Variants in CDH12 observed in about 807,000 individuals in gnomAD.
CDH12 encodes cadherin 12, also known as cadherin-12.
Under a neutral mutation model 74.1 loss-of-function variants are expected in CDH12, and 41 were observed. The ratio of observed to expected loss-of-function variants is 0.55; its 90% CI spans 0.43 to 0.72. CDH12 has a LOEUF of 0.72. Ranked by LOEUF, CDH12 falls within the 30% of genes least tolerant of loss-of-function variation. CDH12 has a pLI of 0.00. For missense variants in CDH12, 945 were observed against 977.2 expected (o/e 0.97, Z 0.44); for synonymous variants, 399 against 355.0 (o/e 1.12, Z -1.39).
intron 9 of CDH12, among the ~76,000 whole-genome samples, chr5:21,806,386 C>T (rs1249507159): frequency 6.6e-6 from 1 of 152,060 alleles, no homozygotes; most frequent in Non-Finnish European, 1.5e-5. Flanking sequence ...AAATAAATAA[C>T]TATCATCTAT....
intron 13 of CDH12, among the ~76,000 whole-genome samples, chr5:21,757,250 A>G (rs1248397887): frequency 1.3e-5 from 2 of 152,088 alleles, no homozygotes; most frequent in African/African-American, 4.8e-5. Context: ...ATCTCGGCTC[A>G]CTGCAACCTC....
At chr5:22,740,486 C>T (rs1027920762) in intron 1 of CDH12, among the ~76,000 whole-genome samples, 20 of 151,536 alleles carry the variant, frequency 1.3e-4, no homozygotes, top group Admixed American at 1.2e-3. Flanking sequence ...GCTTATGATT[C>T]CCACTATATC....
At chr5:22,610,563 A>G (rs930467333) in intron 1 of CDH12, among the ~76,000 whole-genome samples, 1 of 152,080 alleles carries the variant, frequency 6.6e-6, no homozygotes, top group Admixed American at 6.6e-5. Context: ...AATCTGATAC[A>G]TGTTGATTCA....
chr5:21,904,902 T>C (rs151257546), intron 6 of CDH12, among the ~76,000 whole-genome samples: 338 of 152,120 alleles, frequency 2.2e-3, no homozygotes, highest in Non-Finnish European at 3.5e-3. Flanking sequence ...CAGGGTGAAA[T>C]TGCAGATGTA....
intron 1 of CDH12, among the ~76,000 whole-genome samples, chr5:22,543,490 T>G (rs1388930549): frequency 6.6e-6 from 1 of 152,146 alleles, no homozygotes; most frequent in Non-Finnish European, 1.5e-5. Flanking sequence ...ATAATTAAAC[T>G]ATGATCTCTT....
chr5:21,849,241 G>A (rs776142187), intron 7 of CDH12, among the ~76,000 whole-genome samples: 1 of 151,644 alleles, frequency 6.6e-6, no homozygotes, highest in Non-Finnish European at 1.5e-5. Context: ...TCTACAACTT[G>A]CTAAAGGCAT....
intron 11 of CDH12, among the ~76,000 whole-genome samples, chr5:21,776,638 C>T (rs1211800251): frequency 6.6e-6 from 1 of 152,096 alleles, no homozygotes; most frequent in South Asian, 2.1e-4. Flanking sequence ...CATCCTCCAC[C>T]CCATTTATAA....
chr5:22,651,868 A>G (rs1739761698), intron 1 of CDH12, among the ~76,000 whole-genome samples: 2 of 152,132 alleles, frequency 1.3e-5, no homozygotes, highest in African/African-American at 2.4e-5. Context: ...AAAAAAGATT[A>G]TAAAGGAGCA....
intron 1 of CDH12, among the ~76,000 whole-genome samples, chr5:22,827,253 A>G (rs1736387263): frequency 6.6e-6 from 1 of 152,222 alleles, no homozygotes; most frequent in African/African-American, 2.4e-5. Flanking sequence ...CTGCGAGTAC[A>G]CAGAATTCAA....
At chr5:21,837,940 A>C (rs1749633046) in intron 8 of CDH12, among the ~76,000 whole-genome samples, 1 of 152,096 alleles carries the variant, frequency 6.6e-6, no homozygotes, top group African/African-American at 2.4e-5. Context: ...TCCTTGATAG[A>C]TTTCTTCTGT....
chr5:21,917,143 C>T (rs1754134700), intron 6 of CDH12, among the ~76,000 whole-genome samples: 1 of 152,126 alleles, frequency 6.6e-6, no homozygotes, highest in Non-Finnish European at 1.5e-5. Context: ...CTTCAAGCTC[C>T]TCAATATACC....
intron 5 of CDH12, among the ~76,000 whole-genome samples, chr5:21,980,822 A>G (rs1757274148): frequency 6.6e-6 from 1 of 152,010 alleles, no homozygotes; most frequent in South Asian, 2.1e-4. Flanking sequence ...TACACTGTAC[A>G]CTGTTTTGTA....
intron 10 of CDH12, among the ~76,000 whole-genome samples, chr5:21,786,351 A>G (rs567803455): frequency 6.6e-6 from 1 of 152,172 alleles, no homozygotes; most frequent in East Asian, 1.9e-4. Context: ...ATGGGGTTTC[A>G]CCATGTTGGT....
intron 3 of CDH12, among the ~76,000 whole-genome samples, chr5:22,321,547 T>C (rs1218952518): frequency 7.0e-6 from 1 of 143,406 alleles, no homozygotes; most frequent in Non-Finnish European, 1.5e-5. Context: ...TAATGCTAGA[T>C]GACGAGTTAG....
At chr5:22,307,644 T>C (rs1391168674) in intron 3 of CDH12, among the ~76,000 whole-genome samples, 1 of 152,146 alleles carries the variant, frequency 6.6e-6, no homozygotes, top group Non-Finnish European at 1.5e-5. Flanking sequence ...AGAAATATTG[T>C]GTTTTTCCTA....
chr5:22,290,625 A>C (rs914192764), intron 3 of CDH12, among the ~76,000 whole-genome samples: 1 of 152,184 alleles, frequency 6.6e-6, no homozygotes, highest in Non-Finnish European at 1.5e-5. Context: ...AGTGAAAATG[A>C]GTCAAGAAAG....
chr5:22,319,577 G>A, intron 3 of CDH12, among the ~76,000 whole-genome samples: 1 of 152,066 alleles, frequency 6.6e-6, no homozygotes, highest in East Asian at 1.9e-4. Flanking sequence ...GTAAGAATTA[G>A]ATAAAATCAG....
At chr5:22,066,018 G>A (rs1420021212) in intron 5 of CDH12, among the ~76,000 whole-genome samples, 1 of 152,102 alleles carries the variant, frequency 6.6e-6, no homozygotes, top group African/African-American at 2.4e-5. Flanking sequence ...CATAAAAACA[G>A]AGAGTCCTTG....
At chr5:21,844,300 G>A (rs1750037608) in intron 7 of CDH12, among the ~76,000 whole-genome samples, 1 of 151,836 alleles carries the variant, frequency 6.6e-6, no homozygotes, top group Admixed American at 6.6e-5. Context: ...AATGTTTAAA[G>A]ATTCTCATGT....
Sources: allele counts gnomAD v4.1 joint callset (sites outside exome capture counted in the v4.1 genomes callset), GRCh38; gene constraint gnomAD v4.1.1; transcripts MANE v1.5; gene names NCBI Gene and HGNC (gene_info 2026-07-23, HGNC 2026-07-21).